The following PELI2 variants were observed in gnomAD, a reference collection of about 807,000 sequenced individuals.
The protein encoded by PELI2 is E3 ubiquitin-protein ligase pellino homolog 2.
PELI2 carries 23 observed loss-of-function variants against 42.3 expected under a neutral mutation model. The observed-to-expected ratio is 0.54, with a 90% CI of 0.39 to 0.77. The LOEUF (loss-of-function observed/expected upper bound fraction) is 0.77, where lower values mean the gene tolerates loss of function less well. Ranked by LOEUF, PELI2 falls within the 30% of genes least tolerant of loss-of-function variation. The probability of loss-of-function intolerance (pLI) is 0.00; values close to 1 mark genes in which losing one functional copy is unlikely to be tolerated. For synonymous variants in PELI2, 245 were observed against 212.2 expected (o/e 1.15, Z -1.34); for missense variants, 463 against 553.2 (o/e 0.84, Z 1.64).
At chr14:56,217,397 G>A (rs1886946300) in intron 2 of PELI2, among the ~76,000 whole-genome samples, 1 of 152,220 alleles carries the variant, frequency 6.6e-6, no homozygotes, top group Non-Finnish European at 1.5e-5. Context: ...CATCAGGTGT[G>A]CAGAGACCAT....
intron 2 of PELI2, among the ~76,000 whole-genome samples, chr14:56,205,091 GCT>G (rs1886470486): frequency 6.6e-6 from 1 of 152,074 alleles, no homozygotes; most frequent in Non-Finnish European, 1.5e-5. Flanking sequence ...GCAGACTCAG[GCT>G]GCGAGAGGTC....
intron 1 of PELI2, among the ~76,000 whole-genome samples, chr14:56,157,702 T>A (rs989138829): frequency 3.9e-5 from 6 of 152,222 alleles, no homozygotes; most frequent in African/African-American, 1.2e-4. Flanking sequence ...CGATCTGGCA[T>A]GTATGTATTT....
intron 2 of PELI2, among the ~76,000 whole-genome samples, chr14:56,275,435 C>T (rs1233166517): frequency 6.6e-6 from 1 of 152,054 alleles, no homozygotes; most frequent in East Asian, 1.9e-4. Flanking sequence ...TTATATAATT[C>T]ACCATAATAT....
intron 1 of PELI2, among the ~76,000 whole-genome samples, chr14:56,129,003 G>A (rs537730286): frequency 6.3e-4 from 96 of 152,252 alleles, no homozygotes; most frequent in African/African-American, 2.2e-3. Context: ...CACATCGAGA[G>A]GTTGAGGGGC....
chr14:56,128,408 G>A (rs1883357933), intron 1 of PELI2, among the ~76,000 whole-genome samples: 1 of 152,206 alleles, frequency 6.6e-6, no homozygotes, highest in Admixed American at 6.5e-5. Flanking sequence ...TGGGCAATGA[G>A]GCTCCAGCTT....
intron 1 of PELI2, among the ~76,000 whole-genome samples, chr14:56,121,113 T>C (rs1233209978): frequency 6.6e-6 from 1 of 152,176 alleles, no homozygotes; most frequent in East Asian, 1.9e-4. Context: ...CTTTATGTCC[T>C]CTGGGGTATA....
At chr14:56,118,944 C>T (rs1882955627) in intron 1 of PELI2, among the ~76,000 whole-genome samples, 1 of 150,790 alleles carries the variant, frequency 6.6e-6, no homozygotes, top group Non-Finnish European at 1.5e-5. Context: ...GGACGCCGGG[C>T]TGCGCTGTCC....
intron 5 of PELI2, 150 bp from the exon 6 acceptor site, chr14:56,296,450 A>G (rs1045273602): frequency 1.7e-6 from 1 of 604,734 alleles, no homozygotes; most frequent in Non-Finnish European, 2.9e-6. Context: ...CTCGGGGAGG[A>G]TAGGTTACTC....
chr14:56,255,123 A>G (rs1888481602), intron 2 of PELI2, among the ~76,000 whole-genome samples: 2 of 152,316 alleles, frequency 1.3e-5, no homozygotes, highest in East Asian at 1.9e-4. Context: ...TGACCCAGCA[A>G]TCCCATTATT....
At chr14:56,195,305 C>G (rs1043863803) in intron 2 of PELI2, among the ~76,000 whole-genome samples, 7 of 152,180 alleles carry the variant, frequency 4.6e-5, no homozygotes, top group Non-Finnish European at 8.8e-5. Flanking sequence ...GTCTTTATGT[C>G]TGCTTCTCAC....
At chr14:56,268,551 T>A in intron 2 of PELI2, among the ~76,000 whole-genome samples, 1 of 152,228 alleles carries the variant, frequency 6.6e-6, no homozygotes, top group East Asian at 1.9e-4. Context: ...GCACTTGGCA[T>A]TTCACAAGAA....
At chr14:56,209,086 G>C (rs1886622228) in intron 2 of PELI2, among the ~76,000 whole-genome samples, 1 of 152,160 alleles carries the variant, frequency 6.6e-6, no homozygotes, top group Admixed American at 6.5e-5. Flanking sequence ...ACATTTGTAA[G>C]ACCTGCATAA....
chr14:56,183,136 T>A (rs1223356927), intron 2 of PELI2, among the ~76,000 whole-genome samples: 1 of 152,172 alleles, frequency 6.6e-6, no homozygotes, highest in Non-Finnish European at 1.5e-5. Flanking sequence ...AATAATTAAT[T>A]TGTTGAGTAT....
intron 2 of PELI2, among the ~76,000 whole-genome samples, chr14:56,181,846 G>A (rs1054052804): frequency 2.2e-4 from 15 of 67,730 alleles, no homozygotes; most frequent in African/African-American, 1.8e-3. Flanking sequence ...TGTAATGTGT[G>A]TGTGTGTGTG....
intron 2 of PELI2, among the ~76,000 whole-genome samples, chr14:56,240,743 G>A (rs1016430441): frequency 2.2e-4 from 33 of 152,130 alleles, no homozygotes; most frequent in Admixed American, 2.2e-3. Flanking sequence ...TCAGGCTCAG[G>A]TGGAATGCTA....
intron 1 of PELI2, among the ~76,000 whole-genome samples, chr14:56,137,952 T>C (rs1343050533): frequency 6.6e-6 from 1 of 152,196 alleles, no homozygotes; most frequent in Admixed American, 6.5e-5. Context: ...CCTGAGAAGT[T>C]ATGGGAAGCT....
intron 2 of PELI2, among the ~76,000 whole-genome samples, chr14:56,267,160 G>T (rs1445399340): frequency 6.6e-6 from 1 of 151,968 alleles, no homozygotes; most frequent in East Asian, 1.9e-4. Context: ...AATATCTTTT[G>T]CTCTACAAAT....
At chr14:56,236,897 T>C (rs1250913857) in intron 2 of PELI2, among the ~76,000 whole-genome samples, 1 of 152,200 alleles carries the variant, frequency 6.6e-6, no homozygotes, top group Non-Finnish European at 1.5e-5. Flanking sequence ...GATAGGCAAC[T>C]TTCTTTGTAC....
At chr14:56,295,986 G>A (rs1889986561) in intron 5 of PELI2, among the ~76,000 whole-genome samples, 1 of 152,252 alleles carries the variant, frequency 6.6e-6, no homozygotes, top group Non-Finnish European at 1.5e-5. Flanking sequence ...GCTGCTGCTT[G>A]TCAGCTGTTA....
Sources: allele counts gnomAD v4.1 joint callset (sites outside exome capture counted in the v4.1 genomes callset), GRCh38; gene constraint gnomAD v4.1.1; transcripts MANE v1.5; gene names NCBI Gene and HGNC (gene_info 2026-07-23, HGNC 2026-07-21).